FBXL2: variants seen among roughly 807,000 people sequenced by gnomAD.
The protein encoded by FBXL2 is F-box and leucine rich repeat protein 2.
FBXL2 carries 38 observed loss-of-function variants against 69.2 expected under a neutral mutation model. The ratio of observed to expected loss-of-function variants is 0.55; its 90% CI spans 0.42 to 0.72. The LOEUF (loss-of-function observed/expected upper bound fraction) is 0.72, where lower values mean the gene tolerates loss of function less well. FBXL2 is among the 30% of genes least tolerant of loss of function. The probability of loss-of-function intolerance (pLI) is 0.00; values close to 1 mark genes in which losing one functional copy is unlikely to be tolerated. For missense variants in FBXL2, 354 were observed against 520.3 expected, an observed-to-expected ratio of 0.68 and a Z score of 3.11; for synonymous variants, 192 against 201.3, an observed-to-expected ratio of 0.95 and a Z score of 0.39.
intron 12 of FBXL2, chr3:33,398,455 A>T (rs969216024): frequency 6.6e-6 from 1 of 152,204 alleles, no homozygotes; most frequent in African/African-American, 2.4e-5. Flanking sequence ...AGTACTGTGT[A>T]TGTGTGTGCA....
chr3:33,359,207 C>T (rs2041433962), intron 3 of FBXL2, 76 bp from the exon 4 acceptor site: 1 of 1,306,998 alleles, frequency 7.7e-7, no homozygotes, highest in African/African-American at 1.5e-5. Flanking sequence ...AAAGGTTAAT[C>T]AAGACTTTCT....
chr3:33,380,202 C>T (rs1223716537), intron 13 of FBXL2, among the ~76,000 whole-genome samples: 5 of 141,106 alleles, frequency 3.5e-5, no homozygotes, highest in East Asian at 2.1e-4. Context: ...TCCAGTCTGG[C>T]GACAGAGTGA....
At chr3:33,277,213 C>A, upstream of FBXL2, 1 of 357,510 alleles carries the variant, frequency 2.8e-6, no homozygotes. Flanking sequence ...TGGTCTCTTT[C>A]AGCTGGGCAG....
At chr3:33,322,063 G>T (rs1402731011) in intron 2 of FBXL2, among the ~76,000 whole-genome samples, 17 of 108,080 alleles carry the variant, frequency 1.6e-4, no homozygotes, top group South Asian at 3.3e-4. Flanking sequence ...GTGACTAGGT[G>T]ATTTTTTTTT....
rs71632598 is a variant in FBXL2, at chr3:33,380,223, CAAA to C, written c.951+1498_951+1500del. On this transcript the variant is annotated intron_variant, in intron 13 of 14. Coordinates refer to ENST00000484457, the MANE Select transcript of FBXL2 (RefSeq NM_012157.5). ...CTGGCGACAGAGTGAGACTCTGTCT[CAAA>C]AAAAAAAAAAAAAAATTCAAAAGAA... Among the ~76,000 whole-genome samples the C allele has an allele frequency of 2.0e-4, 14 of 69,222 alleles. No individual in the cohort carries two copies. The East Asian group carries it at 2.3e-3, about 11-fold the overall frequency. The allele number at this position is 69,222 out of a possible 152,430, so 45.4% of individuals were successfully genotyped here. A position where few individuals can be genotyped will look rare whatever the true frequency, so the allele number is the denominator to read the frequency against.
At chr3:33,298,943 A>G (rs923802735) in intron 2 of FBXL2, among the ~76,000 whole-genome samples, 2 of 151,948 alleles carry the variant, frequency 1.3e-5, no homozygotes, top group Admixed American at 6.6e-5. Flanking sequence ...GGGCCTTAAT[A>G]GGCTAATGTG....
intron 2 of FBXL2, among the ~76,000 whole-genome samples, chr3:33,343,278 T>C (rs965164234): frequency 6.6e-6 from 1 of 152,160 alleles, no homozygotes; most frequent in Non-Finnish European, 1.5e-5. Context: ...ATTTAATTTC[T>C]CTTATGCTAC....
the FBXL2 span, among the ~76,000 whole-genome samples, chr3:33,413,881 G>C: frequency 8.5e-5 from 13 of 152,184 alleles, no homozygotes; most frequent in South Asian, 2.1e-4. Context: ...TAGGCTAGTG[G>C]TGGCCCCTAA....
chr3:33,306,496 C>T (rs1559515563), intron 2 of FBXL2, among the ~76,000 whole-genome samples: 1 of 152,116 alleles, frequency 6.6e-6, no homozygotes, highest in Non-Finnish European at 1.5e-5. Context: ...CATCCTTAGA[C>T]ATTACAGCTA....
chr3:33,285,409 C>T (rs551759838), intron 1 of FBXL2, among the ~76,000 whole-genome samples: 24 of 152,276 alleles, frequency 1.6e-4, no homozygotes, highest in East Asian at 5.8e-4. Flanking sequence ...CCAAGAGATC[C>T]GCTGTTAGTC....
rs1338100295 is a variant in FBXL2, at chr3:33,385,685, C to A, written c.*77C>A. 1.2e-5 allele frequency: 14 copies of A among 1,131,010 alleles called. No individual in the cohort carries two copies. Among genetic ancestry groups the A allele is most frequent in the Non-Finnish European group, 1.7e-5 (13 of 747,828 alleles). 70.1% of individuals were successfully genotyped at this position (1,131,010 alleles called of 1,614,324 possible). ...CCTGAGTCTTCCTGACCGACTCCAC[C>A]ATCACCCAATCTGTTGATTCTCCAT... On this transcript the variant is annotated 3_prime_UTR_variant, in exon 15 of 15. Transcript: ENST00000484457.
At chr3:33,384,811 C>G (rs952952420) in intron 14 of FBXL2, among the ~76,000 whole-genome samples, 1 of 152,026 alleles carries the variant, frequency 6.6e-6, no homozygotes, top group Non-Finnish European at 1.5e-5. Flanking sequence ...GAGGCCGAGG[C>G]GGGCGGATCA....
At chr3:33,347,612 A>G (rs2040540367) in intron 2 of FBXL2, among the ~76,000 whole-genome samples, 1 of 152,140 alleles carries the variant, frequency 6.6e-6, no homozygotes, top group Non-Finnish European at 1.5e-5. Flanking sequence ...TCTTCATAAC[A>G]GTTGTATTAA....
intron 1 of FBXL2, among the ~76,000 whole-genome samples, chr3:33,285,435 T>C (rs925382284): frequency 1.6e-4 from 24 of 152,238 alleles, no homozygotes; most frequent in African/African-American, 5.8e-4. Flanking sequence ...GGCTTCCCTT[T>C]GTGGGTAACC....
At chr3:33,358,156 G>T (rs976560112) in intron 2 of FBXL2, among the ~76,000 whole-genome samples, 1 of 152,104 alleles carries the variant, frequency 6.6e-6, no homozygotes, top group African/African-American at 2.4e-5. Context: ...TACTTTCCAG[G>T]ACTCTGAAAA....
chr3:33,339,123 T>C (rs1013084351), intron 2 of FBXL2, among the ~76,000 whole-genome samples: 3 of 151,958 alleles, frequency 2.0e-5, no homozygotes, highest in Non-Finnish European at 4.4e-5. Flanking sequence ...GCAAAGGACA[T>C]GAACAGACAC....
rs549216931 is a variant in FBXL2, at chr3:33,303,578, C to G, written c.65+5853C>G. ...TACATTTTGCCTCAGAGCCTTATTC[C>G]TAGCAAATTATATTAGAGATCTATT... On this transcript the variant is annotated intron_variant, in intron 2 of 14. Coordinates refer to ENST00000484457, the MANE Select transcript of FBXL2 (RefSeq NM_012157.5). 2.0e-4 allele frequency among the ~76,000 whole-genome samples: 30 copies of G among 152,136 alleles called. No individual in the cohort carries two copies. The East Asian group carries it at 5.0e-3, about 26-fold the overall frequency.
At chr3:33,291,497 C>T (rs1003366740) in intron 1 of FBXL2, among the ~76,000 whole-genome samples, 3 of 151,866 alleles carry the variant, frequency 2.0e-5, no homozygotes, top group Non-Finnish European at 4.4e-5. Context: ...TTCTTTAATA[C>T]ATACATTTAT....
At chr3:33,283,490 G>A (rs1276102576) in intron 1 of FBXL2, among the ~76,000 whole-genome samples, 1 of 152,184 alleles carries the variant, frequency 6.6e-6, no homozygotes, top group African/African-American at 2.4e-5. Context: ...GTTCATCAGG[G>A]ATATTGGTCT....
Sources: gnomAD v4.1 joint callset for allele counts (sites outside exome capture counted in the v4.1 genomes callset) on GRCh38, gnomAD v4.1.1 for gene constraint, MANE v1.5 for transcripts, NCBI Gene and HGNC (gene_info 2026-07-23, HGNC 2026-07-21) for gene names.